Variants in NEDD4L observed in about 807,000 individuals in gnomAD.
The protein encoded by NEDD4L is NEDD4 like E3 ubiquitin protein ligase.
Under a neutral mutation model 148.9 loss-of-function variants are expected in NEDD4L, and 54 were observed. That is an observed-to-expected ratio of 0.36 (90% CI 0.29 to 0.45). NEDD4L has a LOEUF of 0.45. Ranked by LOEUF, NEDD4L falls within the 20% of genes least tolerant of loss-of-function variation. The pLI, the probability that NEDD4L is intolerant of heterozygous loss-of-function variation, is 1.00. For missense variants in NEDD4L, 856 were observed against 1,233.8 expected (o/e 0.69, Z 4.59); for synonymous variants, 433 against 440.7 (o/e 0.98, Z 0.22).
At chr18:58,395,693 AG>A (rs2050403899) in intron 30 of NEDD4L, among the ~76,000 whole-genome samples, 1 of 152,192 alleles carries the variant, frequency 6.6e-6, no homozygotes, top group African/African-American at 2.4e-5. Flanking sequence ...TCTCTGCTCC[AG>A]GAGCTCCTGT....
intron 2 of NEDD4L, among the ~76,000 whole-genome samples, chr18:58,185,131 A>C (rs2039325523): frequency 6.6e-6 from 1 of 152,144 alleles, no homozygotes; most frequent in Non-Finnish European, 1.5e-5. Flanking sequence ...TGTGCAGCTG[A>C]ACAGTGGGCA....
At chr18:58,222,740 CAAT>C (rs2043907108) in intron 2 of NEDD4L, among the ~76,000 whole-genome samples, 1 of 152,166 alleles carries the variant, frequency 6.6e-6, no homozygotes, top group Admixed American at 6.5e-5. Context: ...ATTCTAAAGA[CAAT>C]AAAAATGTAT....
At chr18:58,350,911 G>A (rs1020105751) in intron 17 of NEDD4L, 80 bp from the exon 18 acceptor site, 26 of 1,119,710 alleles carry the variant, frequency 2.3e-5, no homozygotes, top group Non-Finnish European at 3.4e-5. Context: ...GTGTTCTATA[G>A]TTTTTAAATG....
rs2046180434 is a variant in NEDD4L at position 58,366,917 on chromosome 18, C to T, written c.2063+689C>T. On this transcript the variant is annotated intron_variant, in intron 21 of 30. Coordinates refer to ENST00000400345, the MANE Select transcript of NEDD4L (RefSeq NM_001144967.3). This position sits in a 1 kb window ranked among gnomAD's most constrained non-coding sequence, Gnocchi z 4.2. ...GGGACGTGGGTTCCCCCACATCTCC[C>T]ACCTGGTACCAGTCTCCTGGGGGCT... 6.6e-6 allele frequency among the ~76,000 whole-genome samples: 1 copy of T among 152,232 alleles called. No individual in the cohort carries two copies. Among genetic ancestry groups the T allele is most frequent in the Non-Finnish European group, 1.5e-5 (1 of 68,036 alleles).
At chr18:58,307,513 A>G (rs143207118) in intron 5 of NEDD4L, among the ~76,000 whole-genome samples, 1 of 152,248 alleles carries the variant, frequency 6.6e-6, no homozygotes, top group Non-Finnish European at 1.5e-5. Context: ...AGTTTATGAA[A>G]AGTTAGCTAG....
At chr18:58,048,298 C>T (rs1426557057) in intron 1 of NEDD4L, among the ~76,000 whole-genome samples, 1 of 152,224 alleles carries the variant, frequency 6.6e-6, no homozygotes, top group Non-Finnish European at 1.5e-5. Flanking sequence ...CTTAATCAAC[C>T]ATTAAGGTTA....
chr18:58,108,483 C>A (rs558719720), intron 1 of NEDD4L, among the ~76,000 whole-genome samples: 1 of 152,020 alleles, frequency 6.6e-6, no homozygotes, highest in African/African-American at 2.4e-5. Flanking sequence ...TGCAGTGGTG[C>A]GATCTCAGCT....
chr18:58,278,334 C>T (rs530058032), intron 5 of NEDD4L, among the ~76,000 whole-genome samples: 5 of 152,176 alleles, frequency 3.3e-5, no homozygotes, highest in Non-Finnish European at 7.3e-5. Context: ...TCATCTTCCA[C>T]ATCTGTCTGG....
chr18:58,189,779 AC>A (rs2039900555), intron 2 of NEDD4L: 1 of 152,184 alleles, frequency 6.6e-6, no homozygotes, highest in Admixed American at 6.6e-5. Context: ...CGGTGGGCAC[AC>A]CTCGATCCCT....
intron 1 of NEDD4L, among the ~76,000 whole-genome samples, chr18:58,145,083 A>T (rs747481794): frequency 6.6e-6 from 1 of 152,100 alleles, no homozygotes; most frequent in Non-Finnish European, 1.5e-5. Flanking sequence ...TCCACTGCTG[A>T]TACTACCTCT....
chr18:58,327,936 A>T (rs990668558), intron 9 of NEDD4L, among the ~76,000 whole-genome samples: 3 of 152,038 alleles, frequency 2.0e-5, no homozygotes, highest in African/African-American at 7.2e-5. Flanking sequence ...TACTGCAAAA[A>T]AAAAAGTTTT....
rs2149413777 is a variant in NEDD4L at position 58,316,172 on chromosome 18, C to G, written c.348+140C>G. 3 of 728,044 alleles carry G rather than the reference C, an allele frequency of 4.1e-6. No homozygotes were observed. The East Asian group carries it at 7.4e-5, about 18-fold the overall frequency. The allele number at this position is 728,044 out of a possible 1,614,324, so 45.1% of individuals were successfully genotyped here. A position where few individuals can be genotyped will look rare whatever the true frequency, so the allele number is the denominator to read the frequency against. On this transcript the variant is annotated intron_variant, in intron 6 of 30. Transcript: ENST00000400345. Reference sequence around the variant, plus strand: ...AAGCACGTGTGCTGTGGCCTTAGTCCTTTCTGGAAAGTGGTCCTTTCAAGG... The same window carrying G: ...AAGCACGTGTGCTGTGGCCTTAGTCGTTTCTGGAAAGTGGTCCTTTCAAGG...
intron 2 of NEDD4L, among the ~76,000 whole-genome samples, chr18:58,184,885 A>G (rs947758627): frequency 2.4e-4 from 36 of 151,568 alleles, no homozygotes; most frequent in Non-Finnish European, 4.1e-4. Context: ...CCGAGATGGC[A>G]CCACTGCACT....
At chr18:58,228,846 A>T (rs1017800439) in intron 2 of NEDD4L, among the ~76,000 whole-genome samples, 2 of 152,232 alleles carry the variant, frequency 1.3e-5, no homozygotes, top group African/African-American at 2.4e-5. Context: ...TTTATGGGAA[A>T]GCCCATGCAC....
At chr18:58,338,842 G>T (rs796999149) in intron 13 of NEDD4L, among the ~76,000 whole-genome samples, 4 of 152,320 alleles carry the variant, frequency 2.6e-5, no homozygotes, top group African/African-American at 9.6e-5. Context: ...CTTGAACATG[G>T]GAGGCGGAGG....
chr18:58,135,568 G>T (rs770552921), intron 1 of NEDD4L, among the ~76,000 whole-genome samples: 3 of 152,254 alleles, frequency 2.0e-5, no homozygotes, highest in Non-Finnish European at 4.4e-5. Context: ...TGTGAGTGCA[G>T]ACTGAAGTTC....
At chr18:58,062,913 G>A (rs1354317392) in intron 1 of NEDD4L, among the ~76,000 whole-genome samples, 8 of 149,912 alleles carry the variant, frequency 5.3e-5, no homozygotes, top group Non-Finnish European at 7.4e-5. Context: ...GCATGAACCC[G>A]GGAGGCAGAG....
At chr18:58,299,069 G>A (rs924376168) in intron 5 of NEDD4L, among the ~76,000 whole-genome samples, 3 of 152,210 alleles carry the variant, frequency 2.0e-5, no homozygotes, top group Admixed American at 6.5e-5. Context: ...GGCTGAAGAA[G>A]GCTTGTGGCT....
chr18:58,200,047 T>C (rs2041214266), intron 2 of NEDD4L, among the ~76,000 whole-genome samples: 1 of 152,224 alleles, frequency 6.6e-6, no homozygotes, highest in Non-Finnish European at 1.5e-5. Context: ...ATTGCTGCCA[T>C]TTTGTTAACA....
Sources: gnomAD v4.1 joint callset for allele counts (sites outside exome capture counted in the v4.1 genomes callset) on GRCh38, gnomAD v4.1.1 for gene constraint, Gnocchi (gnomAD v3.1) non-coding constraint, MANE v1.5 for transcripts, NCBI Gene and HGNC (gene_info 2026-07-23, HGNC 2026-07-21) for gene names.